Variants in MACF1 observed in about 807,000 individuals in gnomAD.
MACF1 encodes the protein microtubule-actin cross-linking factor 1.
In MACF1, 193 loss-of-function variants were observed where a neutral mutation model predicts 854.8. That is an observed-to-expected ratio of 0.23 (90% CI 0.20 to 0.25). The LOEUF (loss-of-function observed/expected upper bound fraction) is 0.25. MACF1 is among the 10% of genes least tolerant of loss of function. MACF1 has a pLI of 1.00. For missense variants in MACF1, 7,722 were observed against 8,929.1 expected (o/e 0.86, Z 5.45); for synonymous variants, 3,185 against 3,226.7 (o/e 0.99, Z 0.44).
rs200684535 is a variant in MACF1 at position 39,380,485 on chromosome 1, A to G, written c.13648+112A>G. On this transcript the variant is annotated intron_variant, in intron 55 of 100. Transcript: ENST00000564288. ...AATTATTTTTAGTTAATTTTTATAAATAAGCAATTAGGATCCAGATAGGGC... is the reference window on the plus strand; with the variant it reads ...AATTATTTTTAGTTAATTTTTATAAGTAAGCAATTAGGATCCAGATAGGGC... The G allele has an allele frequency of 1.3e-5, 15 of 1,117,134 alleles. No homozygotes were observed. The East Asian group carries it at 2.5e-4, about 19-fold the overall frequency. The allele number at this position is 1,117,134 out of a possible 1,614,324, so 69.2% of individuals were successfully genotyped here.
chr1:39,158,964 C>A (rs750931833), intron 2 of MACF1, among the ~76,000 whole-genome samples: 2 of 152,090 alleles, frequency 1.3e-5, no homozygotes, highest in African/African-American at 2.4e-5. Flanking sequence ...TCAACTGGGC[C>A]GGGCATGAAC....
chr1:39,331,828 G>A lies in MACF1; in HGVS notation c.5240G>A (p.Ser1747Asn), dbSNP rs768909749. 8 of 1,614,162 alleles carry A rather than the reference G, an allele frequency of 5.0e-6. No individual in the cohort carries two copies. The highest frequency in any genetic ancestry group is 1.1e-5 in the South Asian group (1 of 91,078). ...MVSLKSGRKV[S>N]IFRAVQEGLI... ...AGCTTGAAATCAGGCCGGAAGGTTAGCATTTTCCGTGCAGTTCAGGAAGGG... is the reference window on the plus strand; with the variant it reads ...AGCTTGAAATCAGGCCGGAAGGTTAACATTTTCCGTGCAGTTCAGGAAGGG... The change falls in exon 37 of 101, where the codon AGC becomes AAC. Residue 1747 changes from serine (S) to asparagine (N), a missense_variant. Transcript: ENST00000564288.
chr1:39,232,746 GTTTTTT>G (rs10712180), intron 2 of MACF1, among the ~76,000 whole-genome samples: 18 of 128,502 alleles, frequency 1.4e-4, no homozygotes, highest in Admixed American at 7.1e-4. Flanking sequence ...TACTCTCTTT[GTTTTTT>G]TTTTTTTTTT....
chr1:39,207,421 C>T (rs1275013843), intron 1 of MACF1, among the ~76,000 whole-genome samples: 1 of 152,018 alleles, frequency 6.6e-6, no homozygotes, highest in African/African-American at 2.4e-5. Flanking sequence ...GCTGGTAATA[C>T]AGGCATGTGC....
chr1:39,150,088 G>A (rs536293823), intron 2 of MACF1, among the ~76,000 whole-genome samples: 164 of 151,812 alleles, frequency 1.1e-3, no homozygotes, highest in African/African-American at 3.9e-3. Flanking sequence ...CAGTGGTGCA[G>A]TCTCGGCTCA....
chr1:39,431,299 C>G (rs1339307327), intron 66 of MACF1, among the ~76,000 whole-genome samples: 1 of 152,220 alleles, frequency 6.6e-6, no homozygotes, highest in African/African-American at 2.4e-5. Flanking sequence ...GAATTACTAT[C>G]AAATATGCAA....
intron 1 of MACF1, among the ~76,000 whole-genome samples, chr1:39,224,184 T>TC (rs1327852511): frequency 3.4e-4 from 52 of 151,726 alleles, no homozygotes; most frequent in African/African-American, 1.2e-3. Context: ...ATCCCCCTAC[T>TC]CCCCCCCATA....
intron 2 of MACF1, among the ~76,000 whole-genome samples, chr1:39,247,326 C>T (rs1367633525): frequency 6.6e-6 from 1 of 152,092 alleles, no homozygotes; most frequent in African/African-American, 2.4e-5. Context: ...CCGTCTCGGC[C>T]TCCCAAAGTG....
At chr1:39,452,101 T>G in intron 85 of MACF1, 55 bp from the exon 86 acceptor site, 1 of 1,410,240 alleles carries the variant, frequency 7.1e-7, no homozygotes. Flanking sequence ...TCCCAGTGGT[T>G]TCTTGGACTC....
Position 39,347,091 on chromosome 1 carries a change from A to T in MACF1, c.10696A>T (p.Met3566Leu). The part of the protein sequence containing the change: ...QDLSPQQNRQ[M>L]LRLLNELQRS... ...CTTGTCCCCTCAGCAGAATCGACAG[A>T]TGCTGAGGCTTCTGAATGAACTGCA... Residue 3566 changes from methionine (M) to leucine (L), a missense_variant, in exon 41 of 101, where the codon ATG becomes TTG. By Grantham distance (15) the Met-to-Leu change is conservative. Transcript: ENST00000564288. The T allele has an allele frequency of 6.2e-7, 1 of 1,613,552 alleles. No homozygotes were observed. The highest frequency in any genetic ancestry group is 8.5e-7 in the Non-Finnish European group (1 of 1,179,410).
chr1:39,270,302 G>A (rs1645292208), intron 6 of MACF1, among the ~76,000 whole-genome samples: 1 of 152,218 alleles, frequency 6.6e-6, no homozygotes, highest in African/African-American at 2.4e-5. Context: ...TCCAGGATTA[G>A]AGGAGAGGGA....
chr1:39,140,976 A>G (rs1643332314), intron 2 of MACF1, among the ~76,000 whole-genome samples: 2 of 151,518 alleles, frequency 1.3e-5, no homozygotes, highest in African/African-American at 2.4e-5. Flanking sequence ...CTTTATGTCA[A>G]ATTAACTAAT....
chr1:39,129,819 C>T (rs6600288), intron 2 of MACF1, among the ~76,000 whole-genome samples: 4 of 152,184 alleles, frequency 2.6e-5, no homozygotes, highest in Non-Finnish European at 5.9e-5. Context: ...CTGAGGTTCA[C>T]ATATGCAGTG....
At chr1:39,195,838 G>C (rs1221160442) in intron 2 of MACF1, among the ~76,000 whole-genome samples, 1 of 152,272 alleles carries the variant, frequency 6.6e-6, no homozygotes, top group South Asian at 2.1e-4. Flanking sequence ...CATGCTTCAA[G>C]GAGATTACTG....
chr1:39,374,258 T>G (rs1649521786), intron 52 of MACF1, among the ~76,000 whole-genome samples: 1 of 152,090 alleles, frequency 6.6e-6, no homozygotes, highest in South Asian at 2.1e-4. Flanking sequence ...AATAAATAAA[T>G]AAACAAAATC....
rs905562426 is a variant in MACF1, at chr1:39,331,591, A to G, written c.5003A>G (p.Asn1668Ser). Residue 1668 changes from asparagine (N) to serine (S), a missense_variant, in exon 37 of 101, where the codon AAC becomes AGC. Physicochemically the swap from Asn to Ser is conservative, Grantham distance 46. Coordinates refer to ENST00000564288, the MANE Select transcript of MACF1 (RefSeq NM_001394062.1). ...GGTTTCAGTCTTTCCCCTAGTGAGA[A>G]CTGTATTAACCTGGAAGAGGCTTTT... The part of the protein sequence containing the change: ...TGGFSLSPSE[N>S]CINLEEAFHQ... 6.2e-7 allele frequency: 1 copy of G among 1,614,156 alleles called. No homozygotes were observed. The highest frequency in any genetic ancestry group is 1.7e-5 in the Admixed American group (1 of 60,014).
chr1:39,115,485 G>A (rs1304397873), intron 2 of MACF1, among the ~76,000 whole-genome samples: 6 of 152,032 alleles, frequency 3.9e-5, no homozygotes, highest in Non-Finnish European at 7.4e-5. Context: ...TATAAGAGGA[G>A]GAAGGTTATT....
chr1:39,226,227 T>G lies in MACF1; in HGVS notation c.110-4955T>G, dbSNP rs79994170. ...GTACTTAAACGTCTTTCTCCTGAGC[T>G]TAAAGTCAGCTTTTTAGCTTTTGGA... On this transcript the variant is annotated intron_variant, in intron 1 of 100. Coordinates refer to ENST00000564288, the MANE Select transcript of MACF1 (RefSeq NM_001394062.1). Among the ~76,000 whole-genome samples the G allele has an allele frequency of 4.9e-3, 745 of 152,342 alleles. 7 individuals are homozygous for G. Among genetic ancestry groups the G allele is most frequent in the African/African-American group, 0.017 (697 of 41,574 alleles).
chr1:39,149,247 G>A (rs1401428801), intron 2 of MACF1, among the ~76,000 whole-genome samples: 2 of 152,286 alleles, frequency 1.3e-5, no homozygotes, highest in South Asian at 2.1e-4. Context: ...TTAAAAGGAG[G>A]CATTGGCTGG....
Sources: gnomAD v4.1 joint callset for allele counts (sites outside exome capture counted in the v4.1 genomes callset) on GRCh38, gnomAD v4.1.1 for gene constraint, MANE v1.5 for transcripts, NCBI Gene and HGNC (gene_info 2026-07-23, HGNC 2026-07-21) for gene names.